ZFYVE26: variants seen among roughly 807,000 people sequenced by gnomAD.
ZFYVE26 encodes zinc finger FYVE domain-containing protein 26.
In ZFYVE26, 181 loss-of-function variants were observed where a neutral mutation model predicts 276.5. The observed-to-expected ratio is 0.65, with a 90% CI of 0.58 to 0.74. The LOEUF (loss-of-function observed/expected upper bound fraction) is 0.74. ZFYVE26 is among the 30% of genes least tolerant of loss of function. ZFYVE26 has a pLI of 0.00. For missense variants in ZFYVE26, 2,821 were observed against 3,097.9 expected, an observed-to-expected ratio of 0.91 and a Z score of 2.12; for synonymous variants, 1,129 against 1,203.1, an observed-to-expected ratio of 0.94 and a Z score of 1.27.
rs73278449 is a variant in ZFYVE26 at position 67,776,384 on chromosome 14, G to A, written c.4975-278C>T. ...TATTTCAGGCTTCATGGTCCATAATGTCTGTCTCAAACATTCAGCTCTGCA... is the reference window on the plus strand; with the variant it reads ...TATTTCAGGCTTCATGGTCCATAATATCTGTCTCAAACATTCAGCTCTGCA... On this transcript the variant is annotated intron_variant, in intron 25 of 41. Coordinates refer to ENST00000347230, the MANE Select transcript of ZFYVE26 (RefSeq NM_015346.4). Among the ~76,000 whole-genome samples the A allele has an allele frequency of 8.5e-3, 1,298 of 152,318 alleles. 16 individuals carry two copies. The highest frequency in any genetic ancestry group is 0.03 in the African/African-American group (1,258 of 41,572).
chr14:67,803,262 A>C (rs2040113647), intron 9 of ZFYVE26, among the ~76,000 whole-genome samples: 1 of 152,196 alleles, frequency 6.6e-6, no homozygotes, highest in African/African-American at 2.4e-5. Context: ...ATAAAACTTA[A>C]AGAAAAAGAG....
intron 9 of ZFYVE26, among the ~76,000 whole-genome samples, chr14:67,802,975 A>G (rs1015119859): frequency 3.3e-5 from 5 of 152,218 alleles, no homozygotes; most frequent in African/African-American, 1.2e-4. Context: ...AACAAAAAGA[A>G]ATGTATACAT....
At chr14:67,803,064 G>T (rs1443624826) in intron 9 of ZFYVE26, among the ~76,000 whole-genome samples, 1 of 152,054 alleles carries the variant, frequency 6.6e-6, no homozygotes, top group Non-Finnish European at 1.5e-5. Context: ...TTAAAAATAG[G>T]GTAAAACTAT....
intron 30 of ZFYVE26, among the ~76,000 whole-genome samples, chr14:67,768,217 G>A (rs2039110375): frequency 6.6e-6 from 1 of 152,208 alleles, no homozygotes; most frequent in Non-Finnish European, 1.5e-5. Context: ...GCATGGGGAG[G>A]TAGGATGGTA....
In ZFYVE26 at chr14:67,772,066, C is replaced by A; in HGVS notation, c.5465G>T (p.Cys1822Phe). 6.2e-7 allele frequency: 1 copy of A among 1,611,572 alleles called. No homozygotes were observed. The highest frequency in any genetic ancestry group is 8.5e-7 in the Non-Finnish European group (1 of 1,179,518). The change falls in exon 28 of 42, where the codon TGC (cysteine) becomes TTC (phenylalanine). Residue 1822 changes from cysteine (C) to phenylalanine (F), a missense_variant. Coordinates refer to ENST00000347230, the MANE Select transcript of ZFYVE26 (RefSeq NM_015346.4). ...DETESICMVC[C>F]REHFTMFNRR... ...GCTTACCATGGTGAAGTGCTCCCTG[C>A]AGCAGACCATGCAGATACTCTCAGT...
Position 67,785,909 on chromosome 14 carries a change from G to A in ZFYVE26, c.3253C>T (p.Gln1085Ter), listed in dbSNP as rs2140227651. The change falls in exon 18 of 42, where the codon CAG becomes TAG. Residue 1085 changes from glutamine to a stop codon, truncating the protein, a stop_gained. Transcript: ENST00000347230. LOFTEE classifies it high-confidence loss of function. ...DCVASHTTLS[Q>*]QLDQVLQSLR... ...GACTGAAGGACCTGATCTAGCTGCT[G>A]GGAGAGGGTGGTGTGGCTGGCAACA... 1 of 1,613,300 alleles carries A rather than the reference G, an allele frequency of 6.2e-7. No homozygotes were observed. The highest frequency in any genetic ancestry group is 8.5e-7 in the Non-Finnish European group (1 of 1,179,514).
rs138677966 is a variant in ZFYVE26, at chr14:67,805,572, C to T, written c.1064G>A (p.Gly355Asp). The change falls in exon 7 of 42, where the codon GGC becomes GAC. Residue 355 changes from glycine to aspartate, a missense_variant. Gly to Asp is a moderately conservative substitution (Grantham distance 94). Transcript: ENST00000347230. The part of the protein sequence containing the change: ...LLKEEDFPNL[G>D]CLLDREFRPL... ...CCTGAATTCTCTATCAAGTAGGCAG[C>T]CAAGATTTGGGAAGTCTTCTTCTTT... 197 of 1,614,000 alleles carry T rather than the reference C, an allele frequency of 1.2e-4. 1 individual carries two copies. The highest frequency in any genetic ancestry group is 1.7e-4 in the Non-Finnish European group (196 of 1,180,032).
At chr14:67,773,324 G>A (rs2039260018) in intron 27 of ZFYVE26, among the ~76,000 whole-genome samples, 1 of 152,098 alleles carries the variant, frequency 6.6e-6, no homozygotes, top group African/African-American at 2.4e-5. Context: ...GCCAAGGTGG[G>A]AGGATCACTT....
intron 13 of ZFYVE26, among the ~76,000 whole-genome samples, chr14:67,730,696 T>C (rs1482237823): frequency 6.6e-6 from 1 of 152,150 alleles, no homozygotes; most frequent in African/African-American, 2.4e-5. Flanking sequence ...TTCAGCCTCC[T>C]GGGTTCAAGC....
intron 10 of ZFYVE26, chr14:67,799,337 G>C (rs1387394895): frequency 1.6e-5 from 25 of 1,611,624 alleles, no homozygotes; most frequent in Non-Finnish European, 2.1e-5. Context: ...TGACGCCAGA[G>C]CGGTGCAATC....
chr14:67,786,483 A>G (rs2039662934), intron 16 of ZFYVE26, among the ~76,000 whole-genome samples: 1 of 152,228 alleles, frequency 6.6e-6, no homozygotes, highest in Non-Finnish European at 1.5e-5. Flanking sequence ...TGGCACTCCT[A>G]TGGAATTGTT....
intron 40 of ZFYVE26, 43 bp downstream of exon 40, chr14:67,752,301 C>T (rs777250055): frequency 1.3e-6 from 2 of 1,582,038 alleles, no homozygotes; most frequent in Non-Finnish European, 1.7e-6. Flanking sequence ...TGTGAAGACA[C>T]TGAAATTGAT....
At chr14:67,760,450 T>C (rs1424933750) in intron 35 of ZFYVE26, among the ~76,000 whole-genome samples, 1 of 152,222 alleles carries the variant, frequency 6.6e-6, no homozygotes, top group Non-Finnish European at 1.5e-5. Context: ...TTGCATTGGC[T>C]GCTGTTTTGA....
At chr14:67,808,902 T>C (rs549414581) in intron 4 of ZFYVE26, among the ~76,000 whole-genome samples, 6 of 152,318 alleles carry the variant, frequency 3.9e-5, no homozygotes, top group African/African-American at 1.4e-4. Flanking sequence ...AGTGACCCTG[T>C]TATAGAAAAG....
At chr14:67,806,521 G>T (rs2040183346) in intron 6 of ZFYVE26, 24 bp downstream of exon 6, 1 of 1,613,906 alleles carries the variant, frequency 6.2e-7, no homozygotes, top group Non-Finnish European at 8.5e-7. Context: ...GTACCTCTGT[G>T]ATGAACAATT....
At chr14:67,781,663 G>T (rs2039504138) in intron 21 of ZFYVE26, 134 bp from the exon 22 acceptor site, 2 of 784,958 alleles carry the variant, frequency 2.5e-6, no homozygotes, top group Admixed American at 4.6e-5. Context: ...AGATGGATGT[G>T]ATCTTAACTA....
chr14:67,815,705 T>G (rs1189048987), intron 2 of ZFYVE26, 65 bp downstream of exon 2: 14 of 1,532,176 alleles, frequency 9.1e-6, no homozygotes, highest in Non-Finnish European at 1.2e-5. Flanking sequence ...CATTGACCAA[T>G]GCCCAAATAT....
chr14:67,734,126 G>A (rs527417706), intron 13 of ZFYVE26: 2 of 344,220 alleles, frequency 5.8e-6, no homozygotes, highest in African/African-American at 2.1e-5. Context: ...ATCCCAGGCT[G>A]GGCATGGGGG....
chr14:67,794,861 ATTGT>A (rs2140239218), intron 12 of ZFYVE26, among the ~76,000 whole-genome samples: 1 of 152,206 alleles, frequency 6.6e-6, no homozygotes, highest in Admixed American at 6.5e-5. Context: ...GGCAGGAAGG[ATTGT>A]TTGAGCCCAG....
Sources: gnomAD v4.1 joint callset for allele counts (sites outside exome capture counted in the v4.1 genomes callset) on GRCh38, gnomAD v4.1.1 for gene constraint, MANE v1.5 for transcripts, NCBI Gene and HGNC (gene_info 2026-07-23, HGNC 2026-07-21) for gene names.